The following ARHGEF1 variants were observed in gnomAD, a reference collection of about 807,000 sequenced individuals.
ARHGEF1 encodes 115 kDa guanine nucleotide exchange factor.
A neutral mutation model predicts 119.7 loss-of-function variants in ARHGEF1; 40 were observed. The ratio of observed to expected loss-of-function variants is 0.33; its 90% confidence interval spans 0.26 to 0.44. ARHGEF1 has a LOEUF of 0.44. Among genes scored for constraint, ARHGEF1 ranks in the 20% least tolerant of loss-of-function variants. The pLI is 1.00. For synonymous variants in ARHGEF1, 494 were observed against 521.0 expected, an observed-to-expected ratio of 0.95 and a Z score of 0.71; for missense variants, 976 against 1,268.3, an observed-to-expected ratio of 0.77 and a Z score of 3.50.
In ARHGEF1 at chr19:41,907,148, A is replaced by AC. The variant is rs1368538807; in HGVS notation, c.*63dup. The AC allele has an allele frequency of 6.5e-7, 1 of 1,530,718 alleles. No individual in the cohort carries two copies. The highest frequency in any genetic ancestry group is 8.7e-7 in the Non-Finnish European group (1 of 1,144,636). 94.8% of individuals were successfully genotyped at this position (1,530,718 alleles called of 1,614,324 possible). A position where few individuals can be genotyped will look rare whatever the true frequency, so the allele number is the denominator to read the frequency against. On this transcript the variant is annotated 3_prime_UTR_variant, in exon 29 of 29. Coordinates refer to ENST00000354532, the MANE Select transcript of ARHGEF1 (RefSeq NM_004706.4). ...AGGAATGGGGGAGAGGACGTGAGGGACCACCCCCACCCACACAGCTGCCGC... is the reference window on the plus strand; with the variant it reads ...AGGAATGGGGGAGAGGACGTGAGGGACCCACCCCCACCCACACAGCTGCCGC...
rs2074779662 is a variant in ARHGEF1 at position 41,914,626 on chromosome 19, TCTGTCTCTGTCTCTCCCTCCCTTTCCA to T, written c.1865+7825_1865+7851del. 2.1e-4 allele frequency among the ~76,000 whole-genome samples: 5 copies of T among 23,388 alleles called. 1 individual carries two copies. The highest frequency in any genetic ancestry group is 1.1e-3 in the Admixed American group (3 of 2,718). The allele number at this position is 23,388 out of a possible 152,430, so 15.3% of individuals were successfully genotyped here. On this transcript the variant is annotated intron_variant, in intron 18 of 20. Coordinates refer to the ARHGEF1 transcript ENST00000599589. ...TGTCTCTCCCTCCCCTTCCACCATC[TCTGTCTCTGTCTCTCCCTCCCTTTCCA>T]CCATCTCTGTCTCTCCCTCCCCTTC...
At position 41,905,245 on chromosome 19, in the gene ARHGEF1, C is replaced by T. The variant is rs1393826384; in HGVS notation, c.2320C>T (p.Arg774Trp). 5.6e-6 allele frequency: 9 copies of T among 1,613,374 alleles called. No homozygotes were observed. Among genetic ancestry groups the T allele is most frequent in the Admixed American group, 3.3e-5 (2 of 59,952 alleles). The change falls in exon 24 of 29, where the codon CGG becomes TGG. Residue 774 changes from arginine (R) to tryptophan (W), a missense_variant. Around this residue, in one of 3 missense-constraint regions of ARHGEF1, gnomAD observed 286 missense variants for 506.8 expected, o/e 0.56. Transcript: ENST00000354532. This position sits in a 1 kb window ranked among gnomAD's most constrained non-coding sequence, Gnocchi z 6.4. ...VPAPASRPKP[R>W]PSPSSTREPL... ...TGCCCCTGCCTCTCGCCCTAAGCCCCGGCCCAGCCCGAGCAGGTGAGGGGG... is the reference window on the plus strand; with the variant it reads ...TGCCCCTGCCTCTCGCCCTAAGCCCTGGCCCAGCCCGAGCAGGTGAGGGGG...
intron 14 of ARHGEF1, chr19:41,900,915 C>G (rs1308786825): frequency 1.3e-5 from 2 of 151,702 alleles, no homozygotes; most frequent in Non-Finnish European, 2.9e-5. Context: ...CTCAGCCTCC[C>G]AAGTAGCTGG....
In ARHGEF1 at chr19:41,903,893, G is replaced by T; in HGVS notation, c.1917+109G>T. The T allele has an allele frequency of 7.3e-7, 1 of 1,378,734 alleles. No homozygotes were observed. The highest frequency in any genetic ancestry group is 1.0e-6 in the Non-Finnish European group (1 of 981,316). The allele number at this position is 1,378,734 out of a possible 1,614,324, so 85.4% of individuals were successfully genotyped here. ...CCATCCCATAATACACCCAGGAAGC[G>T]AGAGCTCTGTCCCCCACCTCATGCC... On this transcript the variant is annotated intron_variant, in intron 20 of 28. Coordinates refer to ENST00000354532, the MANE Select transcript of ARHGEF1 (RefSeq NM_004706.4). This position sits in a 1 kb window ranked among gnomAD's most constrained non-coding sequence, Gnocchi z 4.2.
intron 14 of ARHGEF1, chr19:41,901,014 CT>C (rs2074595388): frequency 6.6e-6 from 1 of 151,714 alleles, no homozygotes; most frequent in African/African-American, 2.4e-5. Flanking sequence ...TGGTCTTGAT[CT>C]CTTGACCTCG....
chr19:41,895,805 G>T (rs567140984), intron 12 of ARHGEF1, among the ~76,000 whole-genome samples: 1 of 152,206 alleles, frequency 6.6e-6, no homozygotes, highest in South Asian at 2.1e-4. Context: ...CACCCTCTGA[G>T]CTGCATTGCT....
chr19:41,892,163 T>C lies in ARHGEF1; in HGVS notation c.324+40T>C. The C allele has an allele frequency of 6.3e-7, 1 of 1,588,062 alleles. No homozygotes were observed. Among genetic ancestry groups the C allele is most frequent in the Non-Finnish European group, 8.6e-7 (1 of 1,159,936 alleles). Reference sequence around the variant, plus strand: ...AGCTGCCCCAACCCTGCAATCCCTGTTTGGGCCTGCAGAGTCACCATGCGG... The same window carrying C: ...AGCTGCCCCAACCCTGCAATCCCTGCTTGGGCCTGCAGAGTCACCATGCGG... On this transcript the variant is annotated intron_variant, in intron 5 of 28. Coordinates refer to ENST00000354532, the MANE Select transcript of ARHGEF1 (RefSeq NM_004706.4). The surrounding 1 kb of genome is among the most constrained non-coding windows in gnomAD (Gnocchi z 6.3).
chr19:41,884,596 C>A, intron 1 of ARHGEF1: 1 of 1,438,110 alleles, frequency 7.0e-7, no homozygotes, highest in Non-Finnish European at 9.5e-7. Context: ...GATTTAGGGC[C>A]CGCGTAAGAC....
In ARHGEF1 at chr19:41,913,281, C is replaced by T. The variant is rs537338055; in HGVS notation, c.1865+6478C>T. 3.8e-3 allele frequency among the ~76,000 whole-genome samples: 575 copies of T among 149,712 alleles called. 4 individuals are homozygous for T. Among genetic ancestry groups the T allele is most frequent in the African/African-American group, 0.014 (563 of 40,740 alleles). On this transcript the variant is annotated intron_variant, in intron 18 of 20. Transcript: ENST00000599589. ...CTCTCACGCCCGCCCGCCCGCCCGC[C>T]GCTCGCGCCCCGCACCGTCTCTGCT... is the stretch of plus-strand genomic sequence containing the variant.
At position 41,888,717 on chromosome 19, in the gene ARHGEF1, C is replaced by A; in HGVS notation, c.112-35C>A. 1 of 1,592,310 alleles carries A rather than the reference C, an allele frequency of 6.3e-7. No individual in the cohort carries two copies. The highest frequency in any genetic ancestry group is 8.6e-7 in the Non-Finnish European group (1 of 1,160,660). On this transcript the variant is annotated intron_variant, in intron 3 of 28. Coordinates refer to ENST00000354532, the MANE Select transcript of ARHGEF1 (RefSeq NM_004706.4). The surrounding 1 kb of genome is among the most constrained non-coding windows in gnomAD (Gnocchi z 5.1). Reference sequence around the variant, plus strand: ...GGTCAACCCTAAGGCCCCTCCTCTTCTCCCCATTGTACTCACCCCTTCCTG... The same window carrying A: ...GGTCAACCCTAAGGCCCCTCCTCTTATCCCCATTGTACTCACCCCTTCCTG...
downstream of ARHGEF1, among the ~76,000 whole-genome samples, chr19:41,911,192 T>TC (rs2145882911): frequency 6.6e-6 from 1 of 152,206 alleles, no homozygotes; most frequent in East Asian, 1.9e-4. Context: ...AGGGGAGTAC[T>TC]CCACTGTCCA....
rs868960086 is a variant in ARHGEF1 at position 41,892,606 on chromosome 19, G to T, written c.371G>T (p.Arg124Leu). Reference sequence around the variant, plus strand: ...GCCCCCATGTGTGTCCCTGCAGACCGCACTAGGGCTGACCTCATCTCCGAG... The same window carrying T: ...GCCCCCATGTGTGTCCCTGCAGACCTCACTAGGGCTGACCTCATCTCCGAG... ...VPPNVAFELD[R>L]TRADLISEDV... The change falls in exon 7 of 29, where the codon CGC (arginine) becomes CTC (leucine). Residue 124 changes from arginine (R) to leucine (L), a missense_variant. Around this residue, in one of 3 missense-constraint regions of ARHGEF1, gnomAD observed 519 missense variants for 580.9 expected, o/e 0.89. Coordinates refer to ENST00000354532, the MANE Select transcript of ARHGEF1 (RefSeq NM_004706.4). The surrounding 1 kb of genome is among the most constrained non-coding windows in gnomAD (Gnocchi z 6.3). 3 of 1,594,416 alleles carry T rather than the reference G, an allele frequency of 1.9e-6. No homozygotes were observed. Among genetic ancestry groups the T allele is most frequent in the African/African-American group, 1.3e-5 (1 of 74,842 alleles).
At chr19:41,919,494 C>A (rs564157211), upstream of ARHGEF1, among the ~76,000 whole-genome samples, 1 of 148,422 alleles carries the variant, frequency 6.7e-6, no homozygotes, top group East Asian at 2.0e-4. Flanking sequence ...TTACCACCCA[C>A]GTGTGCACGT....
At position 41,905,650 on chromosome 19, in the gene ARHGEF1, G is replaced by C; in HGVS notation, c.2337-110G>C. The stretch of plus-strand genomic sequence containing the variant: ...TCCCTGTCTCCCGGCCTCGACCTCT[G>C]TCTCTGTCTCCGGACCTCCCTGCCT... On this transcript the variant is annotated intron_variant, in intron 24 of 28. Coordinates refer to ENST00000354532, the MANE Select transcript of ARHGEF1 (RefSeq NM_004706.4). The surrounding 1 kb of genome is among the most constrained non-coding windows in gnomAD (Gnocchi z 6.4). 1 of 1,150,934 alleles carries C rather than the reference G, an allele frequency of 8.7e-7. No homozygotes were observed. The highest frequency in any genetic ancestry group is 1.3e-5 in the South Asian group (1 of 74,154). 71.3% of individuals were successfully genotyped at this position (1,150,934 alleles called of 1,614,324 possible). A position where few individuals can be genotyped will look rare whatever the true frequency, so the allele number is the denominator to read the frequency against.
chr19:41,917,078 C>T lies in ARHGEF1; in HGVS notation c.1866-6014C>T, dbSNP rs1488498749. Reference sequence around the variant, plus strand: ...CAGACCTGCTTCTGTGACTGCCTCTCGAGACACAGGTCTCTCGGTCTCTCT... The same window carrying T: ...CAGACCTGCTTCTGTGACTGCCTCTTGAGACACAGGTCTCTCGGTCTCTCT... On this transcript the variant is annotated intron_variant, in intron 18 of 20. Transcript: ENST00000599589. The surrounding 1 kb of genome is among the most constrained non-coding windows in gnomAD (Gnocchi z 4.8). 2.0e-5 allele frequency among the ~76,000 whole-genome samples: 3 copies of T among 152,154 alleles called. No individual in the cohort carries two copies. Among genetic ancestry groups the T allele is most frequent in the East Asian group, 1.9e-4 (1 of 5,200 alleles).
At chr19:41,907,456 C>G, downstream of ARHGEF1, 3 of 1,491,908 alleles carry the variant, frequency 2.0e-6, no homozygotes, top group African/African-American at 1.4e-5. Flanking sequence ...AAGAAGAGAT[C>G]TGTGTGTGTG....
intron 1 of ARHGEF1, among the ~76,000 whole-genome samples, chr19:41,885,929 A>C (rs2074288049): frequency 6.6e-6 from 1 of 151,218 alleles, no homozygotes; most frequent in South Asian, 2.1e-4. Flanking sequence ...TCTTTTGTAG[A>C]GATGGGGGTT....
chr19:41,896,968 C>A, intron 13 of ARHGEF1: 1 of 401,122 alleles, frequency 2.5e-6, no homozygotes. Flanking sequence ...CCCCTCCTCT[C>A]TTTCCTCCCC....
In ARHGEF1 at chr19:41,917,345, C is replaced by T. The variant is rs1249640935; in HGVS notation, c.1866-5747C>T. 1.3e-5 allele frequency among the ~76,000 whole-genome samples: 2 copies of T among 151,972 alleles called. No individual in the cohort carries two copies. The highest frequency in any genetic ancestry group is 2.9e-5 in the Non-Finnish European group (2 of 68,004). ...ATCTCTCTCTGCCTCTGTCTCCTAA[C>T]GCCCCATCACCACGCCCCCCTGGGC... On this transcript the variant is annotated intron_variant, in intron 18 of 20. Coordinates refer to the ARHGEF1 transcript ENST00000599589. This position sits in a 1 kb window ranked among gnomAD's most constrained non-coding sequence, Gnocchi z 4.8.
Sources: gnomAD v4.1 joint callset for allele counts (sites outside exome capture counted in the v4.1 genomes callset) on GRCh38, gnomAD v4.1.1 for gene constraint, gnomAD v4.1.1 regional missense constraint, Gnocchi (gnomAD v3.1) non-coding constraint, MANE v1.5 for transcripts, NCBI Gene and HGNC (gene_info 2026-07-23, HGNC 2026-07-21) for gene names.